Variants in CPNE4 observed in about 807,000 individuals in gnomAD.
CPNE4 encodes copine-4.
Under a neutral mutation model 67.9 loss-of-function variants are expected in CPNE4, and 25 were observed. The observed-to-expected ratio is 0.37, with a 90% confidence interval of 0.27 to 0.51. The LOEUF (loss-of-function observed/expected upper bound fraction) is 0.51, where lower values mean the gene tolerates loss of function less well. Among genes scored for constraint, CPNE4 ranks in the 20% least tolerant of loss-of-function variants. The probability of loss-of-function intolerance (pLI) is 0.93; values close to 1 mark genes in which losing one functional copy is unlikely to be tolerated. For synonymous variants in CPNE4, 242 were observed against 244.9 expected (o/e 0.99, Z 0.11); for missense variants, 464 against 690.8 (o/e 0.67, Z 3.68).
intron 6 of CPNE4, among the ~76,000 whole-genome samples, chr3:131,683,606 C>A (rs919406545): frequency 3.3e-5 from 5 of 152,050 alleles, no homozygotes; most frequent in African/African-American, 1.2e-4. Flanking sequence ...GCACGCATTC[C>A]TTGGTGGTGC....
At chr3:131,885,608 G>A (rs920859591) in intron 2 of CPNE4, among the ~76,000 whole-genome samples, 10 of 151,402 alleles carry the variant, frequency 6.6e-5, no homozygotes, top group Non-Finnish European at 1.2e-4. Context: ...AGTTACATAC[G>A]TATACATTTG....
chr3:131,878,665 C>T (rs1440028193), intron 2 of CPNE4, among the ~76,000 whole-genome samples: 1 of 152,146 alleles, frequency 6.6e-6, no homozygotes, highest in East Asian at 1.9e-4. Flanking sequence ...AAGACTTGGG[C>T]AAAATCTCAT....
intron 2 of CPNE4, among the ~76,000 whole-genome samples, chr3:131,868,245 G>GC (rs1488094330): frequency 7.2e-5 from 11 of 152,094 alleles, no homozygotes; most frequent in Non-Finnish European, 4.4e-5. Context: ...ATCTTTCCCA[G>GC]CCCCCTACCA....
chr3:131,860,794 C>G (rs1243181307), intron 2 of CPNE4, among the ~76,000 whole-genome samples: 1 of 152,144 alleles, frequency 6.6e-6, no homozygotes, highest in Non-Finnish European at 1.5e-5. Flanking sequence ...AACAATGACA[C>G]AAGTAAACCA....
At chr3:132,001,447 A>G (rs750828326) in intron 1 of CPNE4, among the ~76,000 whole-genome samples, 7 of 151,886 alleles carry the variant, frequency 4.6e-5, no homozygotes, top group Non-Finnish European at 1.0e-4. Flanking sequence ...GGACCATACA[A>G]ATGCATCACA....
intron 11 of CPNE4, among the ~76,000 whole-genome samples, chr3:131,561,438 G>A (rs1449872331): frequency 6.6e-6 from 1 of 151,932 alleles, no homozygotes; most frequent in Non-Finnish European, 1.5e-5. Flanking sequence ...GAGGAAATGA[G>A]CAGCACCATC....
At chr3:131,770,347 G>C (rs993292702) in intron 2 of CPNE4, among the ~76,000 whole-genome samples, 1 of 152,212 alleles carries the variant, frequency 6.6e-6, no homozygotes, top group Non-Finnish European at 1.5e-5. Flanking sequence ...TAAGGTTAGA[G>C]AGGAGGGAAG....
chr3:131,696,829 T>C (rs1424446285), intron 4 of CPNE4, among the ~76,000 whole-genome samples: 1 of 152,166 alleles, frequency 6.6e-6, no homozygotes, highest in East Asian at 1.9e-4. Context: ...AGACACCATT[T>C]ATACTGAGCA....
At chr3:131,852,145 T>C in intron 2 of CPNE4, among the ~76,000 whole-genome samples, 1 of 152,110 alleles carries the variant, frequency 6.6e-6, no homozygotes, top group African/African-American at 2.4e-5. Flanking sequence ...ATATTTTCTA[T>C]GTACTTACAG....
At chr3:131,789,305 C>T (rs551850772) in intron 2 of CPNE4, among the ~76,000 whole-genome samples, 10 of 152,244 alleles carry the variant, frequency 6.6e-5, no homozygotes, top group Non-Finnish European at 1.2e-4. Context: ...GGGTGACTGA[C>T]GCCCTTGTAC....
intron 1 of CPNE4, among the ~76,000 whole-genome samples, chr3:131,927,437 T>G (rs1282246991): frequency 6.6e-6 from 1 of 151,842 alleles, no homozygotes; most frequent in Non-Finnish European, 1.5e-5. Flanking sequence ...CCACTACAAA[T>G]ACTTGTCTTT....
intron 7 of CPNE4, among the ~76,000 whole-genome samples, chr3:131,596,573 G>T (rs1297683403): frequency 2.8e-5 from 3 of 108,196 alleles, no homozygotes; most frequent in Non-Finnish European, 3.4e-5. Context: ...AGTGAGCCGA[G>T]ATCCCGCCAC....
At chr3:132,033,390 AGTGTGTGTGTGTGTCTGTGTGT>A (rs906636515) in intron 1 of CPNE4, among the ~76,000 whole-genome samples, 6 of 111,764 alleles carry the variant, frequency 5.4e-5, no homozygotes, top group Admixed American at 4.7e-4. Flanking sequence ...AGAGTGTGTG[AGTGTGTGTGTGTGTCTGTGTGT>A]GTGTGTGTGT....
intron 2 of CPNE4, among the ~76,000 whole-genome samples, chr3:131,772,650 G>A (rs761627226): frequency 6.6e-5 from 10 of 152,096 alleles, no homozygotes; most frequent in Admixed American, 1.3e-4. Flanking sequence ...GTAACGCTCC[G>A]TCAATTGGAA....
At chr3:131,586,639 G>T (rs1282755330) in intron 8 of CPNE4, among the ~76,000 whole-genome samples, 1 of 152,144 alleles carries the variant, frequency 6.6e-6, no homozygotes, top group Non-Finnish European at 1.5e-5. Flanking sequence ...AGGCAAAGAG[G>T]TATTTCAGCT....
At chr3:131,701,955 A>C (rs1424557543) in intron 3 of CPNE4, among the ~76,000 whole-genome samples, 1 of 152,130 alleles carries the variant, frequency 6.6e-6, no homozygotes, top group Admixed American at 6.6e-5. Flanking sequence ...GAAAGACAGG[A>C]AAGGAGATCA....
chr3:131,942,760 C>A (rs2071437794), intron 1 of CPNE4, among the ~76,000 whole-genome samples: 1 of 152,114 alleles, frequency 6.6e-6, no homozygotes, highest in South Asian at 2.1e-4. Flanking sequence ...CCCTCTAAAG[C>A]AAGGCATTGC....
chr3:131,873,726 G>T, intron 2 of CPNE4, among the ~76,000 whole-genome samples: 1 of 152,280 alleles, frequency 6.6e-6, no homozygotes, highest in East Asian at 1.9e-4. Flanking sequence ...AAGGATGACT[G>T]ACCCATAAAT....
intron 2 of CPNE4, among the ~76,000 whole-genome samples, chr3:131,838,016 G>A (rs938242): frequency 0.58 from 88,335 of 151,560 alleles, 26,407 homozygotes; most frequent in East Asian, 0.86. Context: ...ATCACCCTCA[G>A]AAGAAACCTT....
Sources: allele counts gnomAD v4.1 joint callset (sites outside exome capture counted in the v4.1 genomes callset), GRCh38; gene constraint gnomAD v4.1.1; transcripts MANE v1.5; gene names NCBI Gene and HGNC (gene_info 2026-07-23, HGNC 2026-07-21).